WWOX: variants seen among roughly 807,000 people sequenced by gnomAD.
WWOX encodes WW domain-containing oxidoreductase.
In WWOX, 69 loss-of-function variants were observed where a neutral mutation model predicts 46.2. That is an observed-to-expected ratio of 1.49 (90% confidence interval 1.23 to 1.82). The LOEUF is 1.82. Ranked by LOEUF, WWOX falls within the 40% of genes most tolerant of loss-of-function variation. The pLI, the probability that WWOX is intolerant of heterozygous loss-of-function variation, is 0.00. For synonymous variants in WWOX, 359 were observed against 202.6 expected, an observed-to-expected ratio of 1.77 and a Z score of -6.56; for missense variants, 919 against 542.6, an observed-to-expected ratio of 1.69 and a Z score of -6.89.
intron 5 of WWOX, among the ~76,000 whole-genome samples, chr16:78,329,500 A>G (rs1043765416): frequency 6.6e-6 from 1 of 152,132 alleles, no homozygotes; most frequent in African/African-American, 2.4e-5. Flanking sequence ...AATGTGACCT[A>G]CCTTTGTAGT....
intron 8 of WWOX, among the ~76,000 whole-genome samples, chr16:78,800,126 A>C (rs966076674): frequency 6.6e-6 from 1 of 152,178 alleles, no homozygotes; most frequent in Non-Finnish European, 1.5e-5. Flanking sequence ...TTATCTTTGC[A>C]CTAAAAACAG....
At chr16:78,741,207 T>C (rs765355494) in intron 8 of WWOX, among the ~76,000 whole-genome samples, 5 of 152,214 alleles carry the variant, frequency 3.3e-5, no homozygotes, top group Non-Finnish European at 5.9e-5. Context: ...ATCTTTATTA[T>C]AATCCTGTAA....
intron 5 of WWOX, among the ~76,000 whole-genome samples, chr16:78,332,263 A>G (rs1015989809): frequency 3.9e-5 from 6 of 152,170 alleles, no homozygotes; most frequent in East Asian, 3.9e-4. Context: ...TGGATCTACT[A>G]TTTTAGAATC....
At chr16:79,132,961 C>T (rs1288473001) in intron 8 of WWOX, among the ~76,000 whole-genome samples, 1 of 152,172 alleles carries the variant, frequency 6.6e-6, no homozygotes, top group Non-Finnish European at 1.5e-5. Flanking sequence ...CTCGATCTTG[C>T]CTGGGTCTGT....
intron 8 of WWOX, among the ~76,000 whole-genome samples, chr16:78,644,052 G>C (rs2046785047): frequency 6.6e-6 from 1 of 152,034 alleles, no homozygotes; most frequent in Admixed American, 6.6e-5. Flanking sequence ...GAGAAAACCT[G>C]TGTCTTCTAA....
chr16:78,105,261 A>G (rs1319780650), intron 1 of WWOX, among the ~76,000 whole-genome samples: 3 of 152,206 alleles, frequency 2.0e-5, no homozygotes, highest in Non-Finnish European at 2.9e-5. Context: ...CAGGAGTTCG[A>G]GACCTGCCTG....
chr16:78,867,466 C>T (rs925306457), intron 8 of WWOX, among the ~76,000 whole-genome samples: 1 of 151,162 alleles, frequency 6.6e-6, no homozygotes, highest in Non-Finnish European at 1.5e-5. Context: ...ATCTGAGACT[C>T]AGAGAAGTTA....
rs1318027967 is a variant in WWOX at position 78,623,351 on chromosome 16, G to C, written c.1056+190599G>C. 2.0e-5 allele frequency among the ~76,000 whole-genome samples: 3 copies of C among 152,268 alleles called. No individual in the cohort carries two copies. The East Asian group carries it at 5.8e-4, about 29-fold the overall frequency. On this transcript the variant is annotated intron_variant, in intron 8 of 8. Coordinates refer to ENST00000566780, the MANE Select transcript of WWOX (RefSeq NM_016373.4). ...GTTCTAAGTTACTCACCAGGTTTCA[G>C]AGGAGAGATGGGAATTTGATGATCT...
intron 8 of WWOX, among the ~76,000 whole-genome samples, chr16:78,681,475 C>T (rs1192323054): frequency 6.6e-6 from 1 of 151,470 alleles, no homozygotes; most frequent in Non-Finnish European, 1.5e-5. Context: ...ATCCTAGACA[C>T]TTGAATCAGA....
chr16:78,638,068 C>T (rs933365212), intron 8 of WWOX, among the ~76,000 whole-genome samples: 12 of 152,194 alleles, frequency 7.9e-5, no homozygotes, highest in African/African-American at 2.7e-4. Flanking sequence ...GTTCTCCGTA[C>T]CGCTTTCCCC....
chr16:78,212,987 G>A (rs957913389), intron 5 of WWOX, among the ~76,000 whole-genome samples: 2 of 152,064 alleles, frequency 1.3e-5, no homozygotes, highest in South Asian at 2.1e-4. Flanking sequence ...GGCTGGGCCC[G>A]ATGCCTCACA....
rs181683140 is a variant in WWOX, at chr16:79,178,865, C to T, written c.1057-32743C>T. Among the ~76,000 whole-genome samples the T allele has an allele frequency of 2.9e-4, 44 of 152,282 alleles. No homozygotes were observed. In the East Asian group the frequency reaches 7.7e-3, roughly 27 times the overall value. On this transcript the variant is annotated intron_variant, in intron 8 of 8. Transcript: ENST00000566780. ...TTTTTGTTTAATATATCTTGAAGTA[C>T]TTCACTTAAGAAATAACTTCATGGT...
intron 5 of WWOX, among the ~76,000 whole-genome samples, chr16:78,251,660 G>A (rs1237966610): frequency 1.3e-5 from 2 of 152,142 alleles, no homozygotes; most frequent in Non-Finnish European, 2.9e-5. Context: ...CATTACCGCT[G>A]AACCCCGATG....
intron 5 of WWOX, among the ~76,000 whole-genome samples, chr16:78,302,054 G>A (rs752775047): frequency 1.2e-4 from 18 of 151,372 alleles, no homozygotes; most frequent in Admixed American, 1.1e-3. Flanking sequence ...TCCACCTCCC[G>A]GGTTCAAGCG....
chr16:78,903,527 C>T (rs942505751), intron 8 of WWOX, among the ~76,000 whole-genome samples: 5 of 152,168 alleles, frequency 3.3e-5, no homozygotes, highest in Non-Finnish European at 5.9e-5. Flanking sequence ...CCCATCTGCC[C>T]TGCAGAAAAG....
At chr16:78,800,012 C>G (rs1462371639) in intron 8 of WWOX, among the ~76,000 whole-genome samples, 1 of 152,180 alleles carries the variant, frequency 6.6e-6, no homozygotes, top group South Asian at 2.1e-4. Flanking sequence ...TCTCTCCTTC[C>G]CCATTAAAAT....
chr16:78,869,064 A>G (rs190737290), intron 8 of WWOX, among the ~76,000 whole-genome samples: 6 of 152,178 alleles, frequency 3.9e-5, no homozygotes, highest in African/African-American at 1.2e-4. Flanking sequence ...TCATTCAGAG[A>G]TAACCACTGT....
intron 8 of WWOX, among the ~76,000 whole-genome samples, chr16:78,604,193 G>C (rs938104241): frequency 5.3e-5 from 8 of 152,084 alleles, no homozygotes; most frequent in African/African-American, 1.9e-4. Flanking sequence ...CACAAATTCA[G>C]ATGCATGTGG....
intron 8 of WWOX, among the ~76,000 whole-genome samples, chr16:78,875,183 G>A (rs1355857003): frequency 2.0e-5 from 3 of 152,154 alleles, no homozygotes; most frequent in African/African-American, 7.2e-5. Flanking sequence ...ATGAGATTAA[G>A]CCGCTGAAAC....
Sources: allele counts gnomAD v4.1 joint callset (sites outside exome capture counted in the v4.1 genomes callset), GRCh38; gene constraint gnomAD v4.1.1; transcripts MANE v1.5; gene names NCBI Gene and HGNC (gene_info 2026-07-23, HGNC 2026-07-21).